PLEKHA8: variants seen among roughly 807,000 people sequenced by gnomAD.
PLEKHA8 encodes the protein pleckstrin homology domain containing A8, also known as pleckstrin homology domain-containing family A member 8.
A neutral mutation model predicts 68.2 loss-of-function variants in PLEKHA8; 36 were observed. The ratio of observed to expected loss-of-function variants is 0.53; its 90% CI spans 0.40 to 0.70. PLEKHA8 has a LOEUF of 0.70. Ranked by LOEUF, PLEKHA8 falls within the 30% of genes least tolerant of loss-of-function variation. The pLI, the probability that PLEKHA8 is intolerant of heterozygous loss-of-function variation, is 0.00. For synonymous variants in PLEKHA8, 211 were observed against 216.1 expected (o/e 0.98, Z 0.20); for missense variants, 505 against 615.4 (o/e 0.82, Z 1.90).
chr7:30,070,226 T>TCTC (rs1794146323), intron 12 of PLEKHA8, among the ~76,000 whole-genome samples: 1 of 152,010 alleles, frequency 6.6e-6, no homozygotes, highest in South Asian at 2.1e-4. Context: ...TGACACACCT[T>TCTC]CTCCCATTAG....
intron 13 of PLEKHA8, chr7:30,074,920 G>A (rs1228512073): frequency 1.3e-5 from 2 of 152,128 alleles, no homozygotes; most frequent in Admixed American, 1.3e-4. Context: ...TAAAATAGCA[G>A]GAGTAGATGG....
At position 30,062,762 on chromosome 7, in the gene PLEKHA8, T is replaced by C; in HGVS notation, c.1300+20T>C. 3 of 1,584,766 alleles carry C rather than the reference T, an allele frequency of 1.9e-6. No individual in the cohort carries two copies. The highest frequency in any genetic ancestry group is 2.6e-6 in the Non-Finnish European group (3 of 1,153,684). ...CCCTAAGTAAGTGTTCTTTATGTTT[T>C]GTTGAATGAGTCAATAGACTGTGGA... On this transcript the variant is annotated intron_variant, in intron 12 of 13. Coordinates refer to ENST00000449726, the MANE Select transcript of PLEKHA8 (RefSeq NM_001197026.2).
chr7:30,056,309 T>TCG, intron 9 of PLEKHA8, among the ~76,000 whole-genome samples: 6 of 101,154 alleles, frequency 5.9e-5, no homozygotes, highest in African/African-American at 1.8e-4. Context: ...TCTCTCTCTC[T>TCG]CTCTATATAT....
At chr7:30,095,678 A>C (rs1235245487), downstream of PLEKHA8, among the ~76,000 whole-genome samples, 1 of 152,174 alleles carries the variant, frequency 6.6e-6, no homozygotes, top group Non-Finnish European at 1.5e-5. Context: ...TAAATCTTTA[A>C]TCCATCTTGA....
At position 30,082,894 on chromosome 7, in the gene PLEKHA8, C is replaced by G. The variant is rs1795012894; in HGVS notation, c.*4107C>G. 2 of 985,096 alleles carry G rather than the reference C, an allele frequency of 2.0e-6. No homozygotes were observed. The highest frequency in any genetic ancestry group is 2.4e-6 in the Non-Finnish European group (2 of 829,874). The allele number at this position is 985,096 out of a possible 1,614,324, so 61.0% of individuals were successfully genotyped here. ...TCCTGGAGGAAAATTAAGTTTTTTT[C>G]CTAGCAAACTACCATGTCCTACAAG... On this transcript the variant is annotated 3_prime_UTR_variant, in exon 14 of 14. Transcript: ENST00000449726.
Position 30,083,645 on chromosome 7 carries a change from A to G in PLEKHA8, c.*4858A>G. ...TTATATAGCCTTTAATTAAAAGGAAAAAAATACCACTACTCTGCAATGCAA... is the reference window on the plus strand; with the variant it reads ...TTATATAGCCTTTAATTAAAAGGAAGAAAATACCACTACTCTGCAATGCAA... On this transcript the variant is annotated 3_prime_UTR_variant, in exon 14 of 14. Coordinates refer to ENST00000449726, the MANE Select transcript of PLEKHA8 (RefSeq NM_001197026.2). 1.0e-6 allele frequency: 1 copy of G among 985,452 alleles called. No homozygotes were observed. Among genetic ancestry groups the G allele is most frequent in the Non-Finnish European group, 1.2e-6 (1 of 829,914 alleles). The allele number at this position is 985,452 out of a possible 1,614,324, so 61.0% of individuals were successfully genotyped here. A position where few individuals can be genotyped will look rare whatever the true frequency, so the allele number is the denominator to read the frequency against.
downstream of PLEKHA8, chr7:30,129,554 A>T (rs912625446): frequency 1.7e-4 from 92 of 529,154 alleles, no homozygotes; most frequent in Non-Finnish European, 2.8e-4. Context: ...CACCTGATTT[A>T]ACAAAATCTA....
At chr7:30,090,299 G>C in exon 13 of PLEKHA8, 1 of 1,165,510 alleles carries the variant, frequency 8.6e-7, no homozygotes, top group South Asian at 1.6e-5. Flanking sequence ...ATTCTGTGAC[G>C]GGAAACAATG....
chr7:30,124,886 G>T (rs1410778301), intron 13 of PLEKHA8, among the ~76,000 whole-genome samples: 1 of 148,294 alleles, frequency 6.7e-6, no homozygotes, highest in Admixed American at 6.8e-5. Flanking sequence ...GTTCTGATAA[G>T]TTTTTTTTTT....
At chr7:30,043,828 T>C (rs999462774) in intron 1 of PLEKHA8, among the ~76,000 whole-genome samples, 15 of 152,222 alleles carry the variant, frequency 9.9e-5, no homozygotes, top group Admixed American at 7.2e-4. Flanking sequence ...ACTTGGTTTG[T>C]GTGAGTCAAA....
At position 30,054,839 on chromosome 7, in the gene PLEKHA8, A is replaced by G. The variant is rs758757714; in HGVS notation, c.927A>G (p.Pro309=). Reference sequence around the variant, plus strand: ...GGGAGGAAGGCAAAGAAGTTATCCCAACTTTCTTTAGTACCATGAACACAA... The same window carrying G: ...GGGAGGAAGGCAAAGAAGTTATCCCGACTTTCTTTAGTACCATGAACACAA... ...CLWEEGKEVI[P]TFFSTMNTSF... is the part of the protein sequence containing the mutation. The change falls in exon 8 of 14, where the codon CCA becomes CCG. Residue 309 remains proline, a synonymous_variant. Coordinates refer to ENST00000449726, the MANE Select transcript of PLEKHA8 (RefSeq NM_001197026.2). 1.2e-6 allele frequency: 2 copies of G among 1,610,064 alleles called. No individual in the cohort carries two copies. The highest frequency in any genetic ancestry group is 2.2e-5 in the East Asian group (1 of 44,666).
At chr7:30,102,510 G>A (rs1288204977) in intron 13 of PLEKHA8, among the ~76,000 whole-genome samples, 3 of 152,142 alleles carry the variant, frequency 2.0e-5, no homozygotes, top group Non-Finnish European at 1.5e-5. Flanking sequence ...AGCCAGAAAT[G>A]GGAAACAACC....
chr7:30,098,129 T>C (rs1413170834), intron 13 of PLEKHA8, among the ~76,000 whole-genome samples: 1 of 152,254 alleles, frequency 6.6e-6, no homozygotes, highest in Non-Finnish European at 1.5e-5. Context: ...CAGCGGTGGC[T>C]GCAGAACTGC....
intron 13 of PLEKHA8, among the ~76,000 whole-genome samples, chr7:30,122,094 T>C (rs1469215117): frequency 6.6e-6 from 1 of 152,216 alleles, no homozygotes; most frequent in Non-Finnish European, 1.5e-5. Flanking sequence ...GTGAAACTTT[T>C]TGTGATTCTG....
intron 9 of PLEKHA8, among the ~76,000 whole-genome samples, chr7:30,058,534 T>C (rs546203898): frequency 2.0e-5 from 3 of 152,044 alleles, no homozygotes; most frequent in East Asian, 3.9e-4. Context: ...CAAAATATGT[T>C]TTCCTTTTTA....
intron 13 of PLEKHA8, among the ~76,000 whole-genome samples, chr7:30,116,855 A>G (rs1427700819): frequency 6.6e-6 from 1 of 152,228 alleles, no homozygotes; most frequent in Non-Finnish European, 1.5e-5. Flanking sequence ...AACAGAATTT[A>G]GCAGCAAGTC....
intron 10 of PLEKHA8, 21 bp downstream of exon 10, chr7:30,060,963 CTG>C (rs1793386292): frequency 6.2e-7 from 1 of 1,606,906 alleles, no homozygotes; most frequent in East Asian, 2.2e-5. Flanking sequence ...TGGTTTGTCT[CTG>C]TGGAAACTTT....
Position 30,082,360 on chromosome 7 carries a change from C to G in PLEKHA8, c.*3573C>G. 4.1e-6 allele frequency: 4 copies of G among 985,408 alleles called. No homozygotes were observed. Among genetic ancestry groups the G allele is most frequent in the Non-Finnish European group, 4.8e-6 (4 of 829,948 alleles). The allele number at this position is 985,408 out of a possible 1,614,324, so 61.0% of individuals were successfully genotyped here. A position where few individuals can be genotyped will look rare whatever the true frequency, so the allele number is the denominator to read the frequency against. ...TTTGTTCTGCCCCATTTCCCAGGAG[C>G]AGCTTCTAGCACATATGTAGAGTAT... On this transcript the variant is annotated 3_prime_UTR_variant, in exon 14 of 14. Coordinates refer to ENST00000449726, the MANE Select transcript of PLEKHA8 (RefSeq NM_001197026.2).
intron 1 of PLEKHA8, among the ~76,000 whole-genome samples, chr7:30,029,486 C>G (rs1326366317): frequency 2.6e-5 from 4 of 151,988 alleles, no homozygotes. Flanking sequence ...CCCTTTTTTT[C>G]TAGTTTGTGG....
Sources: allele counts gnomAD v4.1 joint callset (sites outside exome capture counted in the v4.1 genomes callset), GRCh38; gene constraint gnomAD v4.1.1; transcripts MANE v1.5; gene names NCBI Gene and HGNC (gene_info 2026-07-23, HGNC 2026-07-21).